The following PLEKHH2 variants were observed in gnomAD, a reference collection of about 807,000 sequenced individuals.
The protein encoded by PLEKHH2 is pleckstrin homology domain-containing family H member 2.
Under a neutral mutation model 187.9 loss-of-function variants are expected in PLEKHH2, and 129 were observed. The observed-to-expected ratio is 0.69, with a 90% confidence interval of 0.59 to 0.79. PLEKHH2 has a LOEUF of 0.79. PLEKHH2 is among the 30% of genes least tolerant of loss of function. The probability of loss-of-function intolerance (pLI) is 0.00; values close to 1 mark genes in which losing one functional copy is unlikely to be tolerated. For synonymous variants in PLEKHH2, 686 were observed against 605.6 expected (o/e 1.13, Z -1.95); for missense variants, 2,076 against 1,751.2 (o/e 1.19, Z -3.31).
chr2:43,744,377 G>A (rs1671690953), intron 23 of PLEKHH2, among the ~76,000 whole-genome samples: 1 of 152,134 alleles, frequency 6.6e-6, no homozygotes, highest in South Asian at 2.1e-4. Context: ...AATACAAAAG[G>A]ACCAGAAATA....
intron 2 of PLEKHH2, among the ~76,000 whole-genome samples, chr2:43,666,434 C>T (rs1667217346): frequency 6.8e-6 from 1 of 147,272 alleles, no homozygotes; most frequent in Admixed American, 6.6e-5. Flanking sequence ...CACCCGTCTT[C>T]TGCGTCGCTC....
At chr2:43,721,786 C>T (rs534428668) in intron 16 of PLEKHH2, among the ~76,000 whole-genome samples, 79 of 152,118 alleles carry the variant, frequency 5.2e-4, no homozygotes, top group African/African-American at 1.9e-3. Context: ...CTAGGGAGAT[C>T]AAGGTTGGAG....
chr2:43,742,862 T>C lies in PLEKHH2; in HGVS notation c.3343T>C (p.Tyr1115His). The C allele has an allele frequency of 6.2e-7, 1 of 1,608,672 alleles. No individual in the cohort carries two copies. Among genetic ancestry groups the C allele is most frequent in the African/African-American group, 1.3e-5 (1 of 74,748 alleles). The change falls in exon 22 of 30, where the codon TAT becomes CAT. Residue 1115 changes from tyrosine (Y) to histidine (H), a missense_variant. Tyr to His is a moderately conservative substitution (Grantham distance 83). Coordinates refer to ENST00000282406, the MANE Select transcript of PLEKHH2 (RefSeq NM_172069.4). ...TCTTTCAACTCTTCTCCGAAACCCTTATCACCATTCTTTGCCCTTTAGTAT... is the reference window on the plus strand; with the variant it reads ...TCTTTCAACTCTTCTCCGAAACCCTCATCACCATTCTTTGCCCTTTAGTAT... ...EILSTLLRNP[Y>H]HHSLPFSIPV...
At chr2:43,746,160 T>G (rs1671771280) in intron 24 of PLEKHH2, among the ~76,000 whole-genome samples, 197 bp downstream of exon 24, 1 of 152,228 alleles carries the variant, frequency 6.6e-6, no homozygotes, top group Non-Finnish European at 1.5e-5. Flanking sequence ...TCTCTTAATG[T>G]CATAAAGAAT....
At chr2:43,667,475 T>G (rs2104392111) in intron 2 of PLEKHH2, among the ~76,000 whole-genome samples, 1 of 152,268 alleles carries the variant, frequency 6.6e-6, no homozygotes, top group African/African-American at 2.4e-5. Context: ...ACACAAAAAC[T>G]TTTACATGAA....
intron 3 of PLEKHH2, chr2:43,680,589 C>A (rs904206461): frequency 2.6e-5 from 5 of 190,842 alleles, no homozygotes; most frequent in South Asian, 9.7e-5. Context: ...AGTCTGGCAA[C>A]AAGGCTTTCC....
chr2:43,735,545 G>A (rs1671251322), intron 19 of PLEKHH2, among the ~76,000 whole-genome samples: 1 of 152,294 alleles, frequency 6.6e-6, no homozygotes, highest in East Asian at 1.9e-4. Context: ...CAAGGACTTA[G>A]AGTATATTTC....
intron 2 of PLEKHH2, chr2:43,675,600 A>T (rs2104413138): frequency 6.2e-7 from 1 of 1,613,670 alleles, no homozygotes; most frequent in Non-Finnish European, 8.5e-7. Flanking sequence ...TATTAAATAC[A>T]TCTCTTCCTT....
At chr2:43,744,144 T>A in intron 23 of PLEKHH2, 155 bp downstream of exon 23, 1 of 1,389,298 alleles carries the variant, frequency 7.2e-7, no homozygotes, top group Non-Finnish European at 9.4e-7. Context: ...ATGCAGGACT[T>A]TGTTAAACCC....
intron 2 of PLEKHH2, among the ~76,000 whole-genome samples, chr2:43,678,297 C>G (rs369104589): frequency 0.44 from 65,533 of 150,140 alleles, 14,582 homozygotes; most frequent in Non-Finnish European, 0.5. Flanking sequence ...TCCTCACTTC[C>G]CAGACGGGGT....
chr2:43,730,667 G>A (rs990690711), intron 18 of PLEKHH2, among the ~76,000 whole-genome samples: 2 of 152,154 alleles, frequency 1.3e-5, no homozygotes, highest in Non-Finnish European at 2.9e-5. Flanking sequence ...CCAAAGTGCT[G>A]GCATTACAGG....
At chr2:43,682,376 A>G (rs1348201726) in intron 3 of PLEKHH2, among the ~76,000 whole-genome samples, 1 of 151,954 alleles carries the variant, frequency 6.6e-6, no homozygotes, top group Non-Finnish European at 1.5e-5. Context: ...GTGCCATCTC[A>G]GCTCACTGCC....
intron 2 of PLEKHH2, chr2:43,676,359 CAGCCTGGGACCGG>C (rs762154095): frequency 6.6e-7 from 1 of 1,516,054 alleles, no homozygotes; most frequent in South Asian, 1.3e-5. Flanking sequence ...GGGTCAAAGG[CAGCCTGGGACCGG>C]GTCCTGGGGT....
At chr2:43,655,783 C>A (rs6750025) in intron 2 of PLEKHH2, among the ~76,000 whole-genome samples, 50,401 of 151,844 alleles carry the variant, frequency 0.33, 8,684 homozygotes, top group Non-Finnish European at 0.39. Flanking sequence ...AGTAATTCAG[C>A]CCTCAACAGC....
At position 43,660,516 on chromosome 2, in the gene PLEKHH2, T is replaced by G. The variant is rs565039078; in HGVS notation, c.123+15720T>G. Among the ~76,000 whole-genome samples the G allele has an allele frequency of 2.8e-4, 41 of 145,572 alleles. 1 individual carries two copies. Among genetic ancestry groups the G allele is most frequent in the Non-Finnish European group, 4.4e-4 (30 of 67,558 alleles). The stretch of plus-strand genomic sequence containing the variant: ...TAAGTTTTAGGGTACATGTGCACAT[T>G]GTGCAGGTTAGTTACATATGTATAA... On this transcript the variant is annotated intron_variant, in intron 2 of 29. Transcript: ENST00000282406.
chr2:43,746,533 T>TAC (rs10535859), intron 24 of PLEKHH2, among the ~76,000 whole-genome samples: 2,943 of 150,376 alleles, frequency 0.02, 52 homozygotes, highest in Non-Finnish European at 0.027. Flanking sequence ...AAACAAAAAA[T>TAC]ACACACACAC....
intron 16 of PLEKHH2, among the ~76,000 whole-genome samples, chr2:43,725,774 G>T (rs1181099673): frequency 1.3e-5 from 2 of 152,038 alleles, no homozygotes; most frequent in South Asian, 2.1e-4. Flanking sequence ...CACTACTTTT[G>T]TTACACTGTG....
At position 43,710,233 on chromosome 2, in the gene PLEKHH2, A is replaced by C; in HGVS notation, c.2117A>C (p.Lys706Thr). ...TTTAAAAATTAGGAACCACTGGAAA[A>C]ATCTGGTTATTTATTAAAAATGAGT... is the stretch of plus-strand genomic sequence containing the variant. ...SDNGKNEPLE[K>T]SGYLLKMSGK... Residue 706 changes from lysine (K) to threonine (T), a missense_variant, in exon 13 of 30, where the codon AAA becomes ACA. Coordinates refer to ENST00000282406, the MANE Select transcript of PLEKHH2 (RefSeq NM_172069.4). 6.2e-7 allele frequency: 1 copy of C among 1,614,002 alleles called. No individual in the cohort carries two copies. Among genetic ancestry groups the C allele is most frequent in the Non-Finnish European group, 8.5e-7 (1 of 1,179,950 alleles).
chr2:43,753,263 A>G (rs1236432329), intron 24 of PLEKHH2, among the ~76,000 whole-genome samples: 1 of 152,120 alleles, frequency 6.6e-6, no homozygotes, highest in Non-Finnish European at 1.5e-5. Context: ...ACTTCTACTT[A>G]TATATTTTTA....
Sources: gnomAD v4.1 joint callset for allele counts (sites outside exome capture counted in the v4.1 genomes callset) on GRCh38, gnomAD v4.1.1 for gene constraint, MANE v1.5 for transcripts, NCBI Gene and HGNC (gene_info 2026-07-23, HGNC 2026-07-21) for gene names.